The following NCKAP5 variants were observed in gnomAD, a reference collection of about 807,000 sequenced individuals.
The protein encoded by NCKAP5 is nck-associated protein 5.
A neutral mutation model predicts 167.0 loss-of-function variants in NCKAP5; 92 were observed. The ratio of observed to expected loss-of-function variants is 0.55; its 90% CI spans 0.47 to 0.66. The LOEUF (loss-of-function observed/expected upper bound fraction) is 0.66, where lower values mean the gene tolerates loss of function less well. NCKAP5 is among the 30% of genes least tolerant of loss of function. The probability of loss-of-function intolerance (pLI) is 0.00; values close to 1 mark genes in which losing one functional copy is unlikely to be tolerated. For synonymous variants in NCKAP5, 891 were observed against 877.4 expected (o/e 1.02, Z -0.27); for missense variants, 2,378 against 2,315.0 (o/e 1.03, Z -0.56).
In NCKAP5 at chr2:132,743,457, T is replaced by C. The variant is rs554504759; in HGVS notation, c.5129-11406A>G. On this transcript the variant is annotated intron_variant, in intron 16 of 19. Transcript: ENST00000409261. ...TTATATGAAAATAGCCTGTAACATA[T>C]TATGTAAAATAGATTATGATAAAGT... Among the ~76,000 whole-genome samples the C allele has an allele frequency of 2.6e-5, 4 of 151,858 alleles. No homozygotes were observed. The South Asian group carries it at 8.3e-4, about 32-fold the overall frequency.
At chr2:132,830,835 A>G (rs2105364971) in intron 11 of NCKAP5, among the ~76,000 whole-genome samples, 1 of 152,328 alleles carries the variant, frequency 6.6e-6, no homozygotes, top group African/African-American at 2.4e-5. Context: ...AACTATTCTT[A>G]TAATAAAATA....
At position 132,790,126 on chromosome 2, in the gene NCKAP5, T is replaced by A; in HGVS notation, c.989A>T (p.Asn330Ile). Reference protein sequence around the residue: ...AVIPGHLCPRNSYSSSSELSL... With the variant: ...AVIPGHLCPRISYSSSSELSL... ...CAGTTCACTGCTGCTACTGTAGCTG[T>A]TTCGAGGACAGAGATGACCAGGGAT... Residue 330 changes from asparagine (N) to isoleucine (I), a missense_variant, in exon 13 of 20, where the codon AAC (asparagine) becomes ATC (isoleucine). This residue lies in a region of NCKAP5 where 1,049 missense variants were observed against 1,023.4 expected (regional missense o/e 1.02). Coordinates refer to ENST00000409261, the MANE Select transcript of NCKAP5 (RefSeq NM_207363.3). 6.2e-7 allele frequency: 1 copy of A among 1,613,618 alleles called. No homozygotes were observed. Among genetic ancestry groups the A allele is most frequent in the Non-Finnish European group, 8.5e-7 (1 of 1,179,748 alleles).
At chr2:133,352,885 C>T (rs1661128052) in intron 3 of NCKAP5, among the ~76,000 whole-genome samples, 2 of 152,214 alleles carry the variant, frequency 1.3e-5, no homozygotes, top group African/African-American at 4.8e-5. Context: ...AGAACATGTA[C>T]TGGCTCAGGA....
intron 6 of NCKAP5, among the ~76,000 whole-genome samples, chr2:133,027,660 C>A (rs577074859): frequency 2.6e-5 from 4 of 152,200 alleles, no homozygotes; most frequent in African/African-American, 9.6e-5. Flanking sequence ...CTGTTAGGTT[C>A]CTTCCAGTTT....
chr2:133,196,409 G>C (rs1427021150), intron 5 of NCKAP5, among the ~76,000 whole-genome samples: 1 of 152,092 alleles, frequency 6.6e-6, no homozygotes, highest in Admixed American at 6.6e-5. Context: ...CTAAAGCTGG[G>C]GACAAAAGTA....
chr2:132,883,545 T>G (rs1230422923), intron 8 of NCKAP5, among the ~76,000 whole-genome samples: 1 of 152,178 alleles, frequency 6.6e-6, no homozygotes, highest in East Asian at 1.9e-4. Flanking sequence ...CTTTATCTCC[T>G]TCTTTCCCGG....
chr2:132,694,948 AG>A (rs1451029015), intron 19 of NCKAP5, among the ~76,000 whole-genome samples: 2 of 152,200 alleles, frequency 1.3e-5, no homozygotes, highest in African/African-American at 4.8e-5. Context: ...GAGGCTGGAA[AG>A]TCCAAGATCA....
At chr2:132,720,493 G>A (rs1483665090) in intron 19 of NCKAP5, among the ~76,000 whole-genome samples, 10 of 152,188 alleles carry the variant, frequency 6.6e-5, no homozygotes, top group Admixed American at 4.6e-4. Flanking sequence ...AAAGCAAGTG[G>A]GCCCCCAAAA....
At chr2:133,613,100 T>C in the NCKAP5 span, among the ~76,000 whole-genome samples, 2 of 152,202 alleles carry the variant, frequency 1.3e-5, no homozygotes, top group African/African-American at 4.8e-5. Context: ...TTCCAACCCT[T>C]AATGTATTTC....
intron 3 of NCKAP5, among the ~76,000 whole-genome samples, chr2:133,461,193 C>T (rs1394172378): frequency 3.3e-5 from 5 of 152,018 alleles, no homozygotes; most frequent in African/African-American, 7.2e-5. Context: ...GGAGGAAGGA[C>T]CTCCAAATAG....
chr2:133,500,378 C>T (rs1299613525), intron 3 of NCKAP5, among the ~76,000 whole-genome samples: 1 of 152,194 alleles, frequency 6.6e-6, no homozygotes, highest in African/African-American at 2.4e-5. Context: ...ACAACTCAAG[C>T]GTGCTCATCA....
chr2:132,999,599 G>A (rs1417356455), intron 6 of NCKAP5, among the ~76,000 whole-genome samples: 2 of 152,178 alleles, frequency 1.3e-5, no homozygotes, highest in South Asian at 4.1e-4. Context: ...GGCCTTCTTT[G>A]TAATCAGAGA....
At chr2:133,343,922 T>C (rs1332485879) in intron 3 of NCKAP5, among the ~76,000 whole-genome samples, 1 of 152,114 alleles carries the variant, frequency 6.6e-6, no homozygotes. Context: ...GATGAGGAGT[T>C]GGAAAGAGAT....
At chr2:132,994,294 TCCA>T in intron 6 of NCKAP5, 55 bp from the exon 7 acceptor site, 1 of 1,270,434 alleles carries the variant, frequency 7.9e-7, no homozygotes, top group Non-Finnish European at 1.1e-6. Flanking sequence ...TTAACACGGA[TCCA>T]CTCGAGTTGT....
intron 6 of NCKAP5, among the ~76,000 whole-genome samples, chr2:133,043,414 T>C (rs1468382518): frequency 2.0e-5 from 3 of 152,166 alleles, no homozygotes; most frequent in Non-Finnish European, 1.5e-5. Flanking sequence ...AACGTATTCT[T>C]TAATTCAGGG....
intron 19 of NCKAP5, among the ~76,000 whole-genome samples, chr2:132,708,440 A>G (rs1688557683): frequency 6.6e-6 from 1 of 152,142 alleles, no homozygotes; most frequent in African/African-American, 2.4e-5. Flanking sequence ...GGCCTAGGGC[A>G]GTGGTGGTCA....
At chr2:132,684,202 A>G (rs1685634482) in intron 19 of NCKAP5, among the ~76,000 whole-genome samples, 2 of 152,240 alleles carry the variant, frequency 1.3e-5, no homozygotes, top group Non-Finnish European at 2.9e-5. Context: ...CTTTGCTCCA[A>G]GAGAAGTATG....
chr2:132,879,065 A>C (rs1246955062), intron 8 of NCKAP5, 149 bp from the exon 9 acceptor site: 1 of 660,190 alleles, frequency 1.5e-6, no homozygotes, highest in African/African-American at 1.8e-5. Flanking sequence ...AAGTACTATT[A>C]TAAATATCGC....
At chr2:132,870,526 C>T (rs1025278205) in intron 9 of NCKAP5, among the ~76,000 whole-genome samples, 2 of 152,042 alleles carry the variant, frequency 1.3e-5, no homozygotes, top group Non-Finnish European at 2.9e-5. Context: ...ATGATTGGGC[C>T]ATGGTCCTTG....
Sources: gnomAD v4.1 joint callset for allele counts (sites outside exome capture counted in the v4.1 genomes callset) on GRCh38, gnomAD v4.1.1 for gene constraint, gnomAD v4.1.1 regional missense constraint, MANE v1.5 for transcripts, NCBI Gene and HGNC (gene_info 2026-07-23, HGNC 2026-07-21) for gene names.